MEIS2: variants seen among roughly 807,000 people sequenced by gnomAD.
MEIS2 encodes the protein homeobox protein Meis2.
Under a neutral mutation model 58.6 loss-of-function variants are expected in MEIS2, and 9 were observed. The ratio of observed to expected loss-of-function variants is 0.15; its 90% CI spans 0.09 to 0.27. The LOEUF (loss-of-function observed/expected upper bound fraction) is 0.27, where lower values mean the gene tolerates loss of function less well. Among genes scored for constraint, MEIS2 ranks in the 10% least tolerant of loss-of-function variants. The pLI, the probability that MEIS2 is intolerant of heterozygous loss-of-function variation, is 1.00. For synonymous variants in MEIS2, 221 were observed against 228.4 expected (o/e 0.97, Z 0.29); for missense variants, 427 against 635.0 (o/e 0.67, Z 3.52).
At chr15:36,938,203 T>C (rs893917467) in intron 9 of MEIS2, among the ~76,000 whole-genome samples, 6 of 152,092 alleles carry the variant, frequency 3.9e-5, no homozygotes, top group African/African-American at 1.2e-4. Context: ...CCTCCTCTCT[T>C]TTTCTGGATG....
At chr15:37,099,037 C>A in intron 1 of MEIS2, 1 of 983,386 alleles carries the variant, frequency 1.0e-6, no homozygotes, top group Middle Eastern at 5.2e-4. Context: ...GGCGGCGGCT[C>A]CTACGCAGCC....
chr15:37,093,180 T>C (rs560185247), intron 6 of MEIS2, among the ~76,000 whole-genome samples: 2 of 152,346 alleles, frequency 1.3e-5, no homozygotes, highest in East Asian at 3.9e-4. Flanking sequence ...TTTCATTCAG[T>C]CCTCTCTCTC....
At chr15:37,086,261 T>A (rs570500910) in intron 6 of MEIS2, among the ~76,000 whole-genome samples, 7 of 152,306 alleles carry the variant, frequency 4.6e-5, no homozygotes, top group African/African-American at 1.7e-4. Context: ...TCTTTCTGTT[T>A]AGGTGCTGCA....
intron 7 of MEIS2, among the ~76,000 whole-genome samples, chr15:37,052,935 C>T (rs888445099): frequency 6.6e-6 from 1 of 152,126 alleles, no homozygotes; most frequent in African/African-American, 2.4e-5. Flanking sequence ...GAGCTGAAAG[C>T]CATGTAATTA....
intron 7 of MEIS2, among the ~76,000 whole-genome samples, chr15:37,038,324 C>T (rs1467982052): frequency 6.6e-6 from 1 of 152,220 alleles, no homozygotes. Context: ...GCACAGCCAT[C>T]CTGCCCACTG....
At chr15:37,004,184 G>GA (rs1250297267) in intron 8 of MEIS2, among the ~76,000 whole-genome samples, 7 of 152,112 alleles carry the variant, frequency 4.6e-5, no homozygotes, top group South Asian at 2.1e-4. Context: ...TAAAAACAGG[G>GA]AAAAAAATAC....
At chr15:37,041,399 G>A (rs2062417706) in intron 7 of MEIS2, among the ~76,000 whole-genome samples, 1 of 152,146 alleles carries the variant, frequency 6.6e-6, no homozygotes, top group Non-Finnish European at 1.5e-5. Flanking sequence ...TCTAATCCCT[G>A]GGTCCTCCTT....
intron 9 of MEIS2, among the ~76,000 whole-genome samples, chr15:36,925,471 C>A (rs1459919611): frequency 6.6e-6 from 1 of 151,486 alleles, no homozygotes; most frequent in East Asian, 1.9e-4. Context: ...GAGGCGGCTG[C>A]TTTGTTTGGA....
At chr15:36,971,653 T>C (rs945847578) in intron 8 of MEIS2, among the ~76,000 whole-genome samples, 4 of 151,108 alleles carry the variant, frequency 2.6e-5, no homozygotes, top group Non-Finnish European at 5.9e-5. Flanking sequence ...CAAAATGCTT[T>C]TAAGTTTTCC....
In MEIS2 at chr15:36,889,699, T is replaced by C. The variant is rs1159201586; in HGVS notation, c.*2474A>G. On this transcript the variant is annotated 3_prime_UTR_variant, in exon 12 of 12. Transcript: ENST00000561208. ...AGGAAACCCTTCAGAATTTACTGAG[T>C]GGAAAGAAAAAAAGGTTCTTTTTCC... The C allele has an allele frequency of 6.6e-6, 1 of 152,032 alleles. No homozygotes were observed. The highest frequency in any genetic ancestry group is 1.9e-4 in the East Asian group (1 of 5,196). 9.4% of individuals were successfully genotyped at this position (152,032 alleles called of 1,614,324 possible).
intron 8 of MEIS2, among the ~76,000 whole-genome samples, chr15:37,009,709 A>C (rs2061064008): frequency 6.6e-6 from 1 of 152,234 alleles, no homozygotes; most frequent in Non-Finnish European, 1.5e-5. Context: ...TCACAAAATT[A>C]TCCTTGGAAA....
chr15:36,912,068 C>A (rs1325864054), intron 9 of MEIS2, among the ~76,000 whole-genome samples: 2 of 151,984 alleles, frequency 1.3e-5, no homozygotes, highest in East Asian at 3.9e-4. Flanking sequence ...GATAAAAAAA[C>A]CTCATGACCA....
intron 7 of MEIS2, among the ~76,000 whole-genome samples, chr15:37,078,782 A>C (rs1891802727): frequency 6.6e-6 from 1 of 152,024 alleles, no homozygotes; most frequent in Admixed American, 6.6e-5. Flanking sequence ...TCTTTTGTTT[A>C]TGAGGCAGTA....
At chr15:36,976,170 C>T (rs947354167) in intron 8 of MEIS2, among the ~76,000 whole-genome samples, 10 of 152,098 alleles carry the variant, frequency 6.6e-5, no homozygotes, top group South Asian at 2.1e-4. Flanking sequence ...CTGCAACCTC[C>T]GCCTCTCGGG....
chr15:37,048,104 T>C (rs1222984438), intron 7 of MEIS2, among the ~76,000 whole-genome samples: 1 of 152,204 alleles, frequency 6.6e-6, no homozygotes, highest in African/African-American at 2.4e-5. Flanking sequence ...AGGAAAGATA[T>C]GGCCTTTATA....
In MEIS2 at chr15:37,097,989, G is replaced by T. The variant is rs778472349; in HGVS notation, c.223C>A (p.Arg75=). ...TACCCATAGATCGCGTCCTTGTCCC[G>T]CTTCAAGGCGTCGTTGACAGCGGAT... ...MGSAVNDALK[R]DKDAIYGHPL... The change falls in exon 2 of 12, where the codon CGG becomes AGG. Residue 75 remains arginine, a synonymous_variant. Transcript: ENST00000561208. 2.5e-5 allele frequency: 40 copies of T among 1,606,454 alleles called. 2 individuals carry two copies. In the South Asian group the frequency reaches 4.1e-4, roughly 16 times the overall value.
intron 3 of MEIS2, chr15:37,096,023 A>G: frequency 2.2e-6 from 1 of 455,872 alleles, no homozygotes; most frequent in Non-Finnish European, 3.9e-6. Context: ...CGGGGGAAAA[A>G]GGCCAAGCCC....
chr15:36,932,914 A>C (rs2058034869), intron 9 of MEIS2, among the ~76,000 whole-genome samples: 1 of 152,168 alleles, frequency 6.6e-6, no homozygotes, highest in South Asian at 2.1e-4. Context: ...CAAAATTTGG[A>C]AAAATTTGCT....
chr15:37,089,538 C>T (rs1407369318), intron 6 of MEIS2, among the ~76,000 whole-genome samples: 3 of 152,148 alleles, frequency 2.0e-5, no homozygotes, highest in Non-Finnish European at 4.4e-5. Flanking sequence ...TAAATTACAG[C>T]TTTCAACATA....
Sources: gnomAD v4.1 joint callset for allele counts (sites outside exome capture counted in the v4.1 genomes callset) on GRCh38, gnomAD v4.1.1 for gene constraint, MANE v1.5 for transcripts, NCBI Gene and HGNC (gene_info 2026-07-23, HGNC 2026-07-21) for gene names.